SELENOO: variants seen among roughly 807,000 people sequenced by gnomAD.
SELENOO encodes the protein selenoprotein O.
Under a neutral mutation model 58.7 loss-of-function variants are expected in SELENOO, and 74 were observed. The observed-to-expected ratio is 1.26, with a 90% CI of 1.04 to 1.53. The LOEUF (loss-of-function observed/expected upper bound fraction) is 1.53. Ranked by LOEUF, SELENOO falls within the 40% of genes most tolerant of loss-of-function variation. The probability of loss-of-function intolerance (pLI) is 0.00; values close to 1 mark genes in which losing one functional copy is unlikely to be tolerated. For synonymous variants in SELENOO, 543 were observed against 453.2 expected (o/e 1.20, Z -2.52); for missense variants, 1,149 against 970.0 (o/e 1.18, Z -2.45).
intron 5 of SELENOO, among the ~76,000 whole-genome samples, chr22:50,215,335 G>A (rs1285524503): frequency 6.6e-6 from 1 of 152,118 alleles, no homozygotes; most frequent in African/African-American, 2.4e-5. Flanking sequence ...GCAGCTGCCT[G>A]GGCGGTGGAT....
chr22:50,213,275 G>A (rs1325004927), intron 5 of SELENOO, among the ~76,000 whole-genome samples: 1 of 152,148 alleles, frequency 6.6e-6, no homozygotes, highest in Non-Finnish European at 1.5e-5. Context: ...TGGCCAGGCT[G>A]GTCTCCAACA....
Position 50,206,285 on chromosome 22 carries a change from G to A in SELENOO, c.555-32G>A, listed in dbSNP as rs564561869. The A allele has an allele frequency of 3.7e-6, 6 of 1,600,424 alleles. No homozygotes were observed. In the African/African-American group the frequency reaches 4.0e-5, roughly 11 times the overall value. ...CTGGTGTTGGGTGACCTCCTGACCGGCCCACGTAGTGAACTCTGTGTTTGG... is the reference window on the plus strand; with the variant it reads ...CTGGTGTTGGGTGACCTCCTGACCGACCCACGTAGTGAACTCTGTGTTTGG... On this transcript the variant is annotated intron_variant, in intron 1 of 8. Transcript: ENST00000380903.
At position 50,215,993 on chromosome 22, in the gene SELENOO, GAC is replaced by G. The variant is rs2064406785; in HGVS notation, c.1502+128_1502+129del. Reference sequence around the variant, plus strand: ...CCCAGGTGGCTGCTCCGCTCCCAGGGACAGATTCAGTCAGGGCTTCAGGGCAT... The same window carrying G: ...CCCAGGTGGCTGCTCCGCTCCCAGGGAGATTCAGTCAGGGCTTCAGGGCAT... On this transcript the variant is annotated intron_variant, in intron 6 of 8. Transcript: ENST00000380903. 5 of 777,566 alleles carry G rather than the reference GAC, an allele frequency of 6.4e-6. No individual in the cohort carries two copies. In the South Asian group the frequency reaches 9.0e-5, roughly 14 times the overall value. 48.2% of individuals were successfully genotyped at this position (777,566 alleles called of 1,614,324 possible).
chr22:50,206,322 C>T lies in SELENOO; in HGVS notation c.560C>T (p.Ala187Val). ...AACTCTGTGTTTGGTTTCAGACAGG[C>T]CGACGGTCGCAAGGTCCTACGGTCA... is the stretch of plus-strand genomic sequence containing the variant. ...GAGPTPFSRQ[A>V]DGRKVLRSSI... Residue 187 changes from alanine (A) to valine (V), a missense_variant, in exon 2 of 9, where the codon GCC becomes GTC. Transcript: ENST00000380903. The T allele has an allele frequency of 6.2e-7, 1 of 1,613,538 alleles. No individual in the cohort carries two copies. Among genetic ancestry groups the T allele is most frequent in the Non-Finnish European group, 8.5e-7 (1 of 1,179,934 alleles).
rs2147169416 is a variant in SELENOO at position 50,217,142 on chromosome 22, T to C, written c.1845+14T>C. On this transcript the variant is annotated intron_variant, in intron 8 of 8. Transcript: ENST00000380903. ...GACTTCTCAGAGGCAAGCACACGCC[T>C]GTCCCTGTGGTCCCTGGGAGGGGGG... 1 of 1,611,716 alleles carries C rather than the reference T, an allele frequency of 6.2e-7. No homozygotes were observed. The highest frequency in any genetic ancestry group is 8.5e-7 in the Non-Finnish European group (1 of 1,178,874).
At chr22:50,206,193 G>GT in intron 1 of SELENOO, 124 bp from the exon 2 acceptor site, 1 of 799,064 alleles carries the variant, frequency 1.3e-6, no homozygotes, top group Non-Finnish European at 2.0e-6. Context: ...GGGACGGGCG[G>GT]TTTTCAGGGA....
intron 6 of SELENOO, 91 bp from the exon 7 acceptor site, chr22:50,216,600 C>T (rs896904617): frequency 3.5e-5 from 44 of 1,245,080 alleles, no homozygotes; most frequent in African/African-American, 3.0e-4. Context: ...CTAGGTGAGC[C>T]GTGAGAGCGG....
chr22:50,217,595 A>G lies in SELENOO; in HGVS notation c.*226A>G. Reference sequence around the variant, plus strand: ...CCTGGGGGCTGGACCCAGGCTCCTAAATAAACCAGCAACTCCCTCGAGTCT... The same window carrying G: ...CCTGGGGGCTGGACCCAGGCTCCTAGATAAACCAGCAACTCCCTCGAGTCT... On this transcript the variant is annotated 3_prime_UTR_variant, in exon 9 of 9. Coordinates refer to ENST00000380903, the MANE Select transcript of SELENOO (RefSeq NM_031454.2). The G allele has an allele frequency of 1.7e-5, 17 of 1,008,130 alleles. No homozygotes were observed. The highest frequency in any genetic ancestry group is 2.3e-5 in the Non-Finnish European group (16 of 697,642). 62.4% of individuals were successfully genotyped at this position (1,008,130 alleles called of 1,614,324 possible). A position where few individuals can be genotyped will look rare whatever the true frequency, so the allele number is the denominator to read the frequency against.
chr22:50,208,737 C>T lies in SELENOO; in HGVS notation c.939+21C>T, dbSNP rs146956333. 2,445 of 1,602,922 alleles carry T rather than the reference C, an allele frequency of 1.5e-3. 27 individuals carry two copies. In the African/African-American group the frequency reaches 0.024, roughly 16 times the overall value. ...GGGAGGTCAGTGGGCCGCACGCCAC[C>T]CCTCCCTGCGGGTGGATGCTGGGTG... On this transcript the variant is annotated intron_variant, in intron 3 of 8. Transcript: ENST00000380903.
intron 1 of SELENOO, chr22:50,206,007 A>G (rs2064330483): frequency 2.3e-6 from 1 of 436,908 alleles, no homozygotes; most frequent in Non-Finnish European, 4.2e-6. Context: ...CTTTGTCCCC[A>G]CTGTGCAGTC....
rs757910841 is a variant in SELENOO, at chr22:50,210,265, A to G, written c.1024A>G (p.Ile342Val). The change falls in exon 4 of 9, where the codon ATC becomes GTC. Residue 342 changes from isoleucine (I) to valine (V), a missense_variant. Ile to Val is a conservative substitution (Grantham distance 29). Coordinates refer to ENST00000380903, the MANE Select transcript of SELENOO (RefSeq NM_031454.2). Reference sequence around the variant, plus strand: ...CGTGCTCAACACCGACAACATGAGCATCCTGGGGCTCACCATCGACTACGG... The same window carrying G: ...CGTGCTCAACACCGACAACATGAGCGTCCTGGGGCTCACCATCGACTACGG... ...HGVLNTDNMSILGLTIDYGPF... is the reference protein window; with the variant it reads ...HGVLNTDNMSVLGLTIDYGPF... 2 of 1,613,424 alleles carry G rather than the reference A, an allele frequency of 1.2e-6. No homozygotes were observed. Among genetic ancestry groups the G allele is most frequent in the Non-Finnish European group, 1.7e-6 (2 of 1,179,944 alleles).
In SELENOO at chr22:50,216,853, G is replaced by T. The variant is rs753787178; in HGVS notation, c.1665G>T (p.Trp555Cys). The T allele has an allele frequency of 1.9e-6, 3 of 1,608,142 alleles. No homozygotes were observed. The highest frequency in any genetic ancestry group is 1.1e-5 in the South Asian group (1 of 91,052). ...AELQSRNQGHWADWLQAYRAR... is the reference protein window; with the variant it reads ...AELQSRNQGHCADWLQAYRAR... ...TGCAGAGCAGGAACCAGGGCCACTG[G>T]GCTGACTGGCTACAGGCGTACAGGT... Residue 555 changes from tryptophan to cysteine, a missense_variant, in exon 7 of 9, where the codon TGG becomes TGT. By Grantham distance (215) the Trp-to-Cys change is radical. Transcript: ENST00000380903.
rs560972611 is a variant in SELENOO at position 50,210,681 on chromosome 22, C to T, written c.1121C>T (p.Ala374Val). The T allele has an allele frequency of 4.9e-5, 79 of 1,613,276 alleles. No individual in the cohort carries two copies. The Middle Eastern group carries it at 6.6e-4, about 13-fold the overall frequency. ...CNASDNTGRYAYSKQPEVCRW... is the reference protein window; with the variant it reads ...CNASDNTGRYVYSKQPEVCRW... ...GCCTCCGACAACACCGGCCGCTACG[C>T]GTACAGCAAGCAGCCCGAGGTGTGC... is the stretch of plus-strand genomic sequence containing the variant. Residue 374 changes from alanine to valine, a missense_variant, in exon 5 of 9, where the codon GCG becomes GTG. Coordinates refer to ENST00000380903, the MANE Select transcript of SELENOO (RefSeq NM_031454.2).
Position 50,217,110 on chromosome 22 carries a change from G to C in SELENOO, c.1827G>C (p.Glu609Asp). The C allele has an allele frequency of 6.2e-7, 1 of 1,612,990 alleles. No homozygotes were observed. The highest frequency in any genetic ancestry group is 8.5e-7 in the Non-Finnish European group (1 of 1,179,904). ...YIAQNAIEAA[E>D]RGDFSEVRRV... ...CGCAGAATGCCATCGAGGCTGCCGA[G>C]CGCGGGGACTTCTCAGAGGCAAGCA... Residue 609 changes from glutamate (E) to aspartate (D), a missense_variant, in exon 8 of 9, where the codon GAG becomes GAC. Coordinates refer to ENST00000380903, the MANE Select transcript of SELENOO (RefSeq NM_031454.2).
intron 2 of SELENOO, among the ~76,000 whole-genome samples, chr22:50,208,126 C>T (rs1049221481): frequency 6.6e-6 from 1 of 151,986 alleles, no homozygotes; most frequent in Non-Finnish European, 1.5e-5. Flanking sequence ...TGCTGTAGGG[C>T]TGCATGATTT....
At chr22:50,208,462 CTTTTCCTTTTTCTTA>C (rs1417269929) in intron 2 of SELENOO, 59 bp from the exon 3 acceptor site, 5 of 1,362,832 alleles carry the variant, frequency 3.7e-6, no homozygotes, top group Admixed American at 2.2e-5. Flanking sequence ...ACAACAACGT[CTTTTCCTTTTTCTTA>C]TTTTCACAAG....
At chr22:50,212,346 T>C (rs1169112486) in intron 5 of SELENOO, among the ~76,000 whole-genome samples, 2 of 152,262 alleles carry the variant, frequency 1.3e-5, no homozygotes, top group Non-Finnish European at 2.9e-5. Flanking sequence ...CTTTTCTTCT[T>C]GAGTCAGTTT....
intron 2 of SELENOO, among the ~76,000 whole-genome samples, chr22:50,207,649 C>T (rs2064341292): frequency 6.6e-6 from 1 of 150,716 alleles, no homozygotes; most frequent in African/African-American, 2.4e-5. Context: ...GCAATGCTGG[C>T]ATTGTTGTGA....
rs755943726 is a variant in SELENOO, at chr22:50,208,384, C to A, written c.759-152C>A. The A allele has an allele frequency of 6.4e-6, 4 of 628,066 alleles. No individual in the cohort carries two copies. In the Admixed American group the frequency reaches 9.7e-5, roughly 15 times the overall value. The allele number at this position is 628,066 out of a possible 1,614,324, so 38.9% of individuals were successfully genotyped here. A position where few individuals can be genotyped will look rare whatever the true frequency, so the allele number is the denominator to read the frequency against. On this transcript the variant is annotated intron_variant, in intron 2 of 8. Transcript: ENST00000380903. ...GTTGGAGGTTGTGGTGAGGCGAGAT[C>A]GCGCCACTGCACTCCAGCCTGGACA...
Sources: gnomAD v4.1 joint callset for allele counts (sites outside exome capture counted in the v4.1 genomes callset) on GRCh38, gnomAD v4.1.1 for gene constraint, MANE v1.5 for transcripts, NCBI Gene and HGNC (gene_info 2026-07-23, HGNC 2026-07-21) for gene names.